SGCZ: variants seen among roughly 807,000 people sequenced by gnomAD.
SGCZ encodes the protein zeta-sarcoglycan.
A neutral mutation model predicts 41.3 loss-of-function variants in SGCZ; 40 were observed. The observed-to-expected ratio is 0.97, with a 90% CI of 0.75 to 1.26. The LOEUF is 1.26. Ranked by LOEUF, SGCZ falls within the 50% of genes most tolerant of loss-of-function variation. The pLI is 0.00. For missense variants in SGCZ, 552 were observed against 369.8 expected (o/e 1.49, Z -4.04); for synonymous variants, 206 against 137.5 (o/e 1.50, Z -3.49).
At chr8:14,813,018 T>TA (rs1563287407) in intron 1 of SGCZ, among the ~76,000 whole-genome samples, 1 of 152,166 alleles carries the variant, frequency 6.6e-6, no homozygotes, top group African/African-American at 2.4e-5. Flanking sequence ...GAAGAGAGTC[T>TA]AAAATAAATT....
At chr8:15,161,710 A>G (rs1359850987) in intron 1 of SGCZ, among the ~76,000 whole-genome samples, 2 of 152,228 alleles carry the variant, frequency 1.3e-5, no homozygotes, top group Non-Finnish European at 2.9e-5. Flanking sequence ...ACAAAATACA[A>G]ATAAGTCACA....
At chr8:14,134,155 C>G (rs892175194) in intron 5 of SGCZ, among the ~76,000 whole-genome samples, 2 of 152,294 alleles carry the variant, frequency 1.3e-5, no homozygotes, top group Middle Eastern at 6.8e-3. Context: ...TTTGTATACA[C>G]TGCATTTTCA....
chr8:14,204,360 T>G (rs1218134373), intron 4 of SGCZ, among the ~76,000 whole-genome samples: 1 of 151,758 alleles, frequency 6.6e-6, no homozygotes, highest in Non-Finnish European at 1.5e-5. Flanking sequence ...GAACATGGAA[T>G]GCGACATTCT....
chr8:14,651,469 C>T (rs1585155220), intron 1 of SGCZ, among the ~76,000 whole-genome samples: 1 of 152,022 alleles, frequency 6.6e-6, no homozygotes, highest in Non-Finnish European at 1.5e-5. Context: ...AAACAATAGA[C>T]AGTGGTATTA....
intron 1 of SGCZ, among the ~76,000 whole-genome samples, chr8:14,839,348 C>A (rs185327436): frequency 1.0e-3 from 157 of 152,134 alleles, no homozygotes; most frequent in African/African-American, 3.7e-3. Context: ...GCAGAGGACC[C>A]ATTGTGTGGG....
At chr8:14,390,936 G>A (rs534197435) in intron 2 of SGCZ, among the ~76,000 whole-genome samples, 134 of 152,100 alleles carry the variant, frequency 8.8e-4, no homozygotes, top group African/African-American at 3.0e-3. Flanking sequence ...AAGTTTACAC[G>A]TTCATTTAAG....
At chr8:15,008,183 C>T (rs978152302) in intron 1 of SGCZ, among the ~76,000 whole-genome samples, 1 of 152,130 alleles carries the variant, frequency 6.6e-6, no homozygotes, top group African/African-American at 2.4e-5. Flanking sequence ...TTGAAGCACT[C>T]ATTCCTGGAG....
chr8:14,758,756 TC>T (rs1275085409), intron 1 of SGCZ, among the ~76,000 whole-genome samples: 2 of 152,100 alleles, frequency 1.3e-5, no homozygotes, highest in Non-Finnish European at 2.9e-5. Flanking sequence ...CGCCTATAAT[TC>T]CAGCACTTTG....
chr8:14,440,287 T>C (rs1174962583), intron 2 of SGCZ, among the ~76,000 whole-genome samples: 1 of 152,136 alleles, frequency 6.6e-6, no homozygotes, highest in Admixed American at 6.5e-5. Context: ...TTCAACAAAA[T>C]ATTTTCTTAA....
At chr8:14,685,563 C>T (rs187338649) in intron 1 of SGCZ, among the ~76,000 whole-genome samples, 10 of 152,092 alleles carry the variant, frequency 6.6e-5, no homozygotes, top group African/African-American at 1.9e-4. Flanking sequence ...TGAAATACTC[C>T]AGTAAGGCAA....
At chr8:14,971,307 A>G (rs371960798) in intron 1 of SGCZ, among the ~76,000 whole-genome samples, 4 of 152,270 alleles carry the variant, frequency 2.6e-5, no homozygotes, top group East Asian at 3.9e-4. Context: ...CCAGTATAAT[A>G]CCGAATAGAA....
intron 1 of SGCZ, among the ~76,000 whole-genome samples, chr8:14,873,655 G>C (rs945586134): frequency 2.0e-5 from 3 of 152,066 alleles, no homozygotes; most frequent in African/African-American, 7.2e-5. Flanking sequence ...CTTGAGTTCA[G>C]TCTCCAGCAA....
At chr8:14,667,296 T>C (rs1432194513) in intron 1 of SGCZ, among the ~76,000 whole-genome samples, 1 of 152,172 alleles carries the variant, frequency 6.6e-6, no homozygotes, top group East Asian at 1.9e-4. Flanking sequence ...AGGAAAGTTA[T>C]TTGGCTCCTA....
intron 4 of SGCZ, among the ~76,000 whole-genome samples, chr8:14,231,105 T>C (rs1806550446): frequency 6.6e-6 from 1 of 151,138 alleles, no homozygotes; most frequent in Admixed American, 6.6e-5. Flanking sequence ...TTCTAAAAGG[T>C]GTCCTGACTC....
intron 1 of SGCZ, among the ~76,000 whole-genome samples, chr8:15,119,948 TATAGGTGC>T (rs1388935583): frequency 2.0e-5 from 3 of 152,158 alleles, no homozygotes; most frequent in Non-Finnish European, 4.4e-5. Context: ...TAGCTAGAAC[TATAGGTGC>T]ATTCCACCAA....
chr8:15,076,822 T>A (rs2131037225), intron 1 of SGCZ, among the ~76,000 whole-genome samples: 1 of 151,704 alleles, frequency 6.6e-6, no homozygotes, highest in East Asian at 1.9e-4. Flanking sequence ...CCTTTTTCGT[T>A]ACTATTCTCT....
chr8:15,082,111 C>G (rs562877027), intron 1 of SGCZ, among the ~76,000 whole-genome samples: 35 of 152,098 alleles, frequency 2.3e-4, no homozygotes, highest in African/African-American at 7.5e-4. Flanking sequence ...CACCTGTAAT[C>G]TCAGCTACTG....
At chr8:14,946,239 G>C (rs1402058315) in intron 1 of SGCZ, among the ~76,000 whole-genome samples, 1 of 150,478 alleles carries the variant, frequency 6.6e-6, no homozygotes, top group Non-Finnish European at 1.5e-5. Context: ...CCTCACAGTG[G>C]TCAATATAGT....
chr8:14,188,438 C>G (rs1386590254), intron 4 of SGCZ, among the ~76,000 whole-genome samples: 1 of 152,020 alleles, frequency 6.6e-6, no homozygotes, highest in Non-Finnish European at 1.5e-5. Flanking sequence ...GTGAAAAAAC[C>G]CAGTCACAGA....
Sources: allele counts gnomAD v4.1 joint callset (sites outside exome capture counted in the v4.1 genomes callset), GRCh38; gene constraint gnomAD v4.1.1; transcripts MANE v1.5; gene names NCBI Gene and HGNC (gene_info 2026-07-23, HGNC 2026-07-21).